The following TTPAL variants were observed in gnomAD, a reference collection of about 807,000 sequenced individuals.
TTPAL encodes alpha-tocopherol transfer protein-like.
A neutral mutation model predicts 28.7 loss-of-function variants in TTPAL; 21 were observed. The observed-to-expected ratio is 0.73, with a 90% CI of 0.52 to 1.06. The LOEUF (loss-of-function observed/expected upper bound fraction) is 1.06. Among genes scored for constraint, TTPAL ranks in the 50% least tolerant of loss-of-function variants. TTPAL has a pLI of 0.00. For missense variants in TTPAL, 345 were observed against 425.5 expected (o/e 0.81, Z 1.67); for synonymous variants, 169 against 171.9 (o/e 0.98, Z 0.13).
In TTPAL at chr20:44,480,818, T is replaced by C. The variant is rs1238946987; in HGVS notation, c.445+374T>C. On this transcript the variant is annotated intron_variant, in intron 2 of 4. Coordinates refer to ENST00000262605, the MANE Select transcript of TTPAL (RefSeq NM_001039199.3). This position sits in a 1 kb window ranked among gnomAD's most constrained non-coding sequence, Gnocchi z 4.1. ...ATCTTCTTCACACTTTTTCTGTGTA[T>C]GGCTGTCCCGCTCCTGTGCACGTAG... is the stretch of plus-strand genomic sequence containing the variant. Among the ~76,000 whole-genome samples, 5 of 152,212 alleles carry C rather than the reference T, an allele frequency of 3.3e-5. No homozygotes were observed. The highest frequency in any genetic ancestry group is 6.5e-5 in the Admixed American group (1 of 15,280).
At chr20:44,485,606 T>C (rs1568771707) in intron 3 of TTPAL, among the ~76,000 whole-genome samples, 1 of 152,166 alleles carries the variant, frequency 6.6e-6, no homozygotes, top group Non-Finnish European at 1.5e-5. Flanking sequence ...TTTAAATAAA[T>C]CAGTGCACAT....
In TTPAL at chr20:44,493,479, T is replaced by G. The variant is rs911574441; in HGVS notation, c.*3938T>G. 1 of 152,348 alleles carries G rather than the reference T, an allele frequency of 6.6e-6. No individual in the cohort carries two copies. Among genetic ancestry groups the G allele is most frequent in the Non-Finnish European group, 1.5e-5 (1 of 68,028 alleles). The allele number at this position is 152,348 out of a possible 1,614,324, so 9.4% of individuals were successfully genotyped here. ...TGGGTAGCAAAAGCTAGAGTATTGC[T>G]GTGGCGATTATAATACTTTTAAAAA... On this transcript the variant is annotated 3_prime_UTR_variant, in exon 5 of 5. Coordinates refer to ENST00000262605, the MANE Select transcript of TTPAL (RefSeq NM_001039199.3).
chr20:44,484,391 T>G lies in TTPAL; in HGVS notation c.500T>G (p.Leu167Trp). 6.2e-7 allele frequency: 1 copy of G among 1,604,510 alleles called. No individual in the cohort carries two copies. Among genetic ancestry groups the G allele is most frequent in the Non-Finnish European group, 8.5e-7 (1 of 1,172,118 alleles). Reference sequence around the variant, plus strand: ...ACTGAAAACATCCGAGCCATATACTTGACCTTAGAAAAACTCATTCAGTCT... The same window carrying G: ...ACTGAAAACATCCGAGCCATATACTGGACCTTAGAAAAACTCATTCAGTCT... ...PITENIRAIY[L>W]TLEKLIQSEE... is the part of the protein sequence containing the mutation. Residue 167 changes from leucine (L) to tryptophan (W), a missense_variant, in exon 3 of 5, where the codon TTG (leucine) becomes TGG (tryptophan). Physicochemically the swap from Leu to Trp is moderately conservative, Grantham distance 61 (BLOSUM62 -2). Transcript: ENST00000262605.
rs562573448 is a variant in TTPAL, at chr20:44,483,761, A to G, written c.446-576A>G. ...ACTTGCCCAAGGTCACATAGCTAGT[A>G]ACATTCAAACCTCAGGTGTGTCTGA... is the stretch of plus-strand genomic sequence containing the variant. On this transcript the variant is annotated intron_variant, in intron 2 of 4. Coordinates refer to ENST00000262605, the MANE Select transcript of TTPAL (RefSeq NM_001039199.3). Among the ~76,000 whole-genome samples the G allele has an allele frequency of 2.5e-3, 375 of 152,260 alleles. 1 individual carries two copies. The highest frequency in any genetic ancestry group is 4.2e-3 in the Non-Finnish European group (286 of 68,006).
intron 4 of TTPAL, 98 bp downstream of exon 4, chr20:44,486,804 A>T: frequency 1.5e-6 from 1 of 686,606 alleles, no homozygotes; most frequent in Non-Finnish European, 2.5e-6. Flanking sequence ...TGGAACAACT[A>T]ATTTGGAAAA....
In TTPAL at chr20:44,489,359, A is replaced by G. The variant is rs1600797315; in HGVS notation, c.847A>G (p.Thr283Ala). The G allele has an allele frequency of 1.2e-6, 2 of 1,614,176 alleles. No individual in the cohort carries two copies. Among genetic ancestry groups the G allele is most frequent in the East Asian group, 2.2e-5 (1 of 44,888 alleles). Residue 283 changes from threonine (T) to alanine (A), a missense_variant, in exon 5 of 5, where the codon ACT becomes GCT. Thr to Ala is a moderately conservative substitution (Grantham distance 58). Transcript: ENST00000262605. ...EYGGTAGELDTATWNAVLLAS... is the reference protein window; with the variant it reads ...EYGGTAGELDAATWNAVLLAS... Reference sequence around the variant, plus strand: ...TGGGGGCACGGCTGGGGAGCTGGACACTGCCACCTGGAACGCGGTACTGCT... The same window carrying G: ...TGGGGGCACGGCTGGGGAGCTGGACGCTGCCACCTGGAACGCGGTACTGCT...
At chr20:44,489,201 G>A in intron 4 of TTPAL, 62 bp from the exon 5 acceptor site, 2 of 1,530,458 alleles carry the variant, frequency 1.3e-6, no homozygotes, top group Non-Finnish European at 1.8e-6. Context: ...CTACCATGGA[G>A]GAGATTTCTG....
Position 44,489,374 on chromosome 20 carries a change from G to A in TTPAL, c.862G>A (p.Ala288Thr), listed in dbSNP as rs200119486. The change falls in exon 5 of 5, where the codon GCG becomes ACG. Residue 288 changes from alanine to threonine, a missense_variant. By Grantham distance (58) the Ala-to-Thr change is moderately conservative. Coordinates refer to ENST00000262605, the MANE Select transcript of TTPAL (RefSeq NM_001039199.3). The stretch of plus-strand genomic sequence containing the variant: ...GGAGCTGGACACTGCCACCTGGAAC[G>A]CGGTACTGCTGGCTTCAGAAGACGA... Reference protein sequence around the residue: ...AGELDTATWNAVLLASEDDFV... With the variant: ...AGELDTATWNTVLLASEDDFV... 318 of 1,614,154 alleles carry A rather than the reference G, an allele frequency of 2.0e-4. 1 individual carries two copies. The highest frequency in any genetic ancestry group is 3.1e-4 in the East Asian group (14 of 44,880).
chr20:44,480,297 G>C lies in TTPAL; in HGVS notation c.298G>C (p.Val100Leu), dbSNP rs746679741. 4 of 1,613,962 alleles carry C rather than the reference G, an allele frequency of 2.5e-6. No individual in the cohort carries two copies. The African/African-American group carries it at 4.0e-5, about 16-fold the overall frequency. The change falls in exon 2 of 5, where the codon GTC (valine) becomes CTC (leucine). Residue 100 changes from valine (V) to leucine (L), a missense_variant. Physicochemically the swap from Val to Leu is conservative, Grantham distance 32. Coordinates refer to ENST00000262605, the MANE Select transcript of TTPAL (RefSeq NM_001039199.3). This position sits in a 1 kb window ranked among gnomAD's most constrained non-coding sequence, Gnocchi z 4.1. ...FDYDRALQLLVNYHSCRRSWP... is the reference protein window; with the variant it reads ...FDYDRALQLLLNYHSCRRSWP... ...TTACGACCGGGCCCTGCAGCTCCTCGTCAACTACCACAGCTGTAGAAGAAG... is the reference window on the plus strand; with the variant it reads ...TTACGACCGGGCCCTGCAGCTCCTCCTCAACTACCACAGCTGTAGAAGAAG...
chr20:44,479,829 C>G (rs922935065), intron 1 of TTPAL, 156 bp from the exon 2 acceptor site: 2 of 666,700 alleles, frequency 3.0e-6, no homozygotes, highest in Admixed American at 2.9e-5. Flanking sequence ...GTCAGACTTG[C>G]GTGTATGGTT....
chr20:44,477,667 T>C (rs1474440522), intron 1 of TTPAL, among the ~76,000 whole-genome samples: 3 of 152,008 alleles, frequency 2.0e-5, no homozygotes, highest in Admixed American at 6.6e-5. Flanking sequence ...ATTTATTTAT[T>C]TATCTGAGAT....
intron 4 of TTPAL, 104 bp downstream of exon 4, chr20:44,486,810 G>T: frequency 1.5e-6 from 1 of 650,844 alleles, no homozygotes; most frequent in South Asian, 1.9e-5. Flanking sequence ...AACTAATTTG[G>T]AAAAGTACAG....
Position 44,480,529 on chromosome 20 carries a change from CCTT to C in TTPAL, c.445+86_445+88del, listed in dbSNP as rs2122794113. On this transcript the variant is annotated intron_variant, in intron 2 of 4. Transcript: ENST00000262605. The surrounding 1 kb of genome is among the most constrained non-coding windows in gnomAD (Gnocchi z 4.1). ...AGCACCCTGTCCTCCTTTCCAAGTC[CCTT>C]TTTTACCCCTCCTTTGTTATAGTCA... The C allele has an allele frequency of 1.5e-6, 2 of 1,299,578 alleles. No individual in the cohort carries two copies. Among genetic ancestry groups the C allele is most frequent in the East Asian group, 4.7e-5 (2 of 42,718 alleles). The allele number at this position is 1,299,578 out of a possible 1,614,324, so 80.5% of individuals were successfully genotyped here. A position where few individuals can be genotyped will look rare whatever the true frequency, so the allele number is the denominator to read the frequency against.
chr20:44,475,899 C>G lies in TTPAL; in HGVS notation c.-108C>G, dbSNP rs1020754115. ...GTCACTTCCGGCGCGAGAGGCCGGG[C>G]AGGCCGGGCAGGGAGTGCGGGTCGG... On this transcript the variant is annotated 5_prime_UTR_variant, in exon 1 of 5. Transcript: ENST00000262605. 2 of 152,222 alleles carry G rather than the reference C, an allele frequency of 1.3e-5. No homozygotes were observed. Among genetic ancestry groups the G allele is most frequent in the African/African-American group, 4.8e-5 (2 of 41,464 alleles). 9.4% of individuals were successfully genotyped at this position (152,222 alleles called of 1,614,324 possible).
intron 1 of TTPAL, 35 bp from the exon 2 acceptor site, chr20:44,479,950 C>T: frequency 6.4e-7 from 1 of 1,557,070 alleles, no homozygotes; most frequent in South Asian, 1.2e-5. Context: ...GAAATAAGCA[C>T]TTGTTAACTT....
chr20:44,478,820 C>T (rs1014023496), intron 1 of TTPAL, among the ~76,000 whole-genome samples: 4 of 152,228 alleles, frequency 2.6e-5, no homozygotes, highest in Non-Finnish European at 5.9e-5. Flanking sequence ...GAGAGGGAGT[C>T]TTGCTCTGTC....
intron 2 of TTPAL, among the ~76,000 whole-genome samples, chr20:44,484,127 G>C (rs2064130778): frequency 6.6e-6 from 1 of 152,166 alleles, no homozygotes; most frequent in South Asian, 2.1e-4. Context: ...ACACTCAATT[G>C]TATTTCCATC....
intron 1 of TTPAL, among the ~76,000 whole-genome samples, chr20:44,478,052 G>A (rs989392665): frequency 1.3e-5 from 2 of 152,230 alleles, no homozygotes; most frequent in Admixed American, 6.5e-5. Context: ...TTAGGAGTTC[G>A]AGGTTGCAGA....
Position 44,492,280 on chromosome 20 carries a change from G to C in TTPAL, c.*2739G>C, listed in dbSNP as rs1002488385. ...TTACTCAGCACTGGGGAGCGCACTG[G>C]TGAGGCAAACCCATGAACCTCAAGA... is the stretch of plus-strand genomic sequence containing the variant. On this transcript the variant is annotated 3_prime_UTR_variant, in exon 5 of 5. Coordinates refer to ENST00000262605, the MANE Select transcript of TTPAL (RefSeq NM_001039199.3). The C allele has an allele frequency of 2.6e-5, 4 of 152,398 alleles. No individual in the cohort carries two copies. Among genetic ancestry groups the C allele is most frequent in the Non-Finnish European group, 5.9e-5 (4 of 68,062 alleles). The allele number at this position is 152,398 out of a possible 1,614,324, so 9.4% of individuals were successfully genotyped here. A position where few individuals can be genotyped will look rare whatever the true frequency, so the allele number is the denominator to read the frequency against.
Sources: allele counts gnomAD v4.1 joint callset (sites outside exome capture counted in the v4.1 genomes callset), GRCh38; gene constraint gnomAD v4.1.1; non-coding constraint Gnocchi (gnomAD v3.1); transcripts MANE v1.5; gene names NCBI Gene and HGNC (gene_info 2026-07-23, HGNC 2026-07-21).